Variants in EYA1 observed in about 807,000 individuals in gnomAD.
EYA1 encodes the protein protein phosphatase EYA1.
Under a neutral mutation model 82.0 loss-of-function variants are expected in EYA1, and 16 were observed. The observed-to-expected ratio is 0.20, with a 90% CI of 0.13 to 0.30. The LOEUF (loss-of-function observed/expected upper bound fraction) is 0.30. Among genes scored for constraint, EYA1 ranks in the 10% least tolerant of loss-of-function variants. The pLI, the probability that EYA1 is intolerant of heterozygous loss-of-function variation, is 1.00. For missense variants in EYA1, 633 were observed against 730.7 expected (o/e 0.87, Z 1.54); for synonymous variants, 261 against 264.4 (o/e 0.99, Z 0.12).
rs1036028919 is a variant in EYA1 at position 71,199,868 on chromosome 8, T to C, written c.1699-448A>G. The stretch of plus-strand genomic sequence containing the variant: ...TAATTGTGGCTCACATATGAAGCAG[T>C]TTTTTTTCCATTTATTTCCCTCAGT... On this transcript the variant is annotated intron_variant, in intron 17 of 17. Coordinates refer to ENST00000340726, the MANE Select transcript of EYA1 (RefSeq NM_000503.6). 1.2e-3 allele frequency: 206 copies of C among 177,508 alleles called. 3 individuals carry two copies. Among genetic ancestry groups the C allele is most frequent in the African/African-American group, 4.8e-3 (202 of 41,856 alleles). The allele number at this position is 177,508 out of a possible 1,614,324, so 11.0% of individuals were successfully genotyped here.
intron 11 of EYA1, among the ~76,000 whole-genome samples, chr8:71,254,843 C>T (rs1219016696): frequency 6.6e-5 from 10 of 150,540 alleles, no homozygotes; most frequent in African/African-American, 1.2e-4. Context: ...CCCCCCACCC[C>T]GCCCCCCACC....
chr8:71,232,258 C>T (rs981093579), intron 12 of EYA1, among the ~76,000 whole-genome samples: 2 of 152,206 alleles, frequency 1.3e-5, no homozygotes, highest in African/African-American at 4.8e-5. Flanking sequence ...CCCCCTGCCT[C>T]CTACTTCACT....
At chr8:71,218,416 C>T (rs772780197) in intron 12 of EYA1, among the ~76,000 whole-genome samples, 21 of 152,090 alleles carry the variant, frequency 1.4e-4, no homozygotes, top group Non-Finnish European at 2.5e-4. Context: ...AAACTCAAAC[C>T]AGCTGTTCCT....
At chr8:71,542,227 C>T (rs1815195366) in intron 1 of EYA1, among the ~76,000 whole-genome samples, 1 of 152,180 alleles carries the variant, frequency 6.6e-6, no homozygotes, top group Admixed American at 6.5e-5. Flanking sequence ...CCACCCTTCA[C>T]CCTCCGATAG....
intron 2 of EYA1, among the ~76,000 whole-genome samples, chr8:71,518,491 G>A (rs1006130260): frequency 1.3e-5 from 2 of 152,134 alleles, no homozygotes; most frequent in Non-Finnish European, 2.9e-5. Flanking sequence ...TCTAGGAATA[G>A]TGTGACCATT....
intron 2 of EYA1, among the ~76,000 whole-genome samples, chr8:71,526,282 T>C (rs140852284): frequency 1.1e-3 from 173 of 150,828 alleles, no homozygotes; most frequent in African/African-American, 4.0e-3. Context: ...TTTATATAAT[T>C]AGTTATACAT....
At chr8:71,237,769 T>C (rs1225604743) in intron 12 of EYA1, among the ~76,000 whole-genome samples, 1 of 152,196 alleles carries the variant, frequency 6.6e-6, no homozygotes. Context: ...AGGGTATACA[T>C]TTTATAATAG....
intron 2 of EYA1, among the ~76,000 whole-genome samples, chr8:71,393,359 A>G (rs1829389004): frequency 6.6e-6 from 1 of 152,030 alleles, no homozygotes; most frequent in African/African-American, 2.4e-5. Context: ...GGTTTGTTAC[A>G]TATGTATACA....
intron 2 of EYA1, among the ~76,000 whole-genome samples, chr8:71,355,209 A>G (rs1389344512): frequency 6.6e-6 from 1 of 152,234 alleles, no homozygotes; most frequent in African/African-American, 2.4e-5. Context: ...GACATCTATT[A>G]TAATTTTCAA....
Position 71,198,989 on chromosome 8 carries a change from A to G in EYA1, c.*351T>C, listed in dbSNP as rs2128800854. The G allele has an allele frequency of 3.0e-6, 1 of 334,422 alleles. No homozygotes were observed. 20.7% of individuals were successfully genotyped at this position (334,422 alleles called of 1,614,324 possible). On this transcript the variant is annotated 3_prime_UTR_variant, in exon 18 of 18. Transcript: ENST00000340726. ...TCTGTTGTGCAATTAGGTTTGCTGT[A>G]TTGGAGAAGCTGTTTATATCACATT...
chr8:71,545,968 G>A (rs1367110427), intron 1 of EYA1, among the ~76,000 whole-genome samples: 4 of 152,128 alleles, frequency 2.6e-5, no homozygotes, highest in African/African-American at 9.7e-5. Context: ...CAAGGAACAG[G>A]TCTAATTTAG....
intron 2 of EYA1, among the ~76,000 whole-genome samples, chr8:71,486,641 AG>A (rs936863380): frequency 1.4e-4 from 22 of 152,178 alleles, no homozygotes; most frequent in Admixed American, 3.9e-4. Flanking sequence ...CCTCTGTGTA[AG>A]CAGCAGGTCA....
At chr8:71,530,470 G>A (rs754011790) in intron 2 of EYA1, among the ~76,000 whole-genome samples, 12 of 152,186 alleles carry the variant, frequency 7.9e-5, no homozygotes, top group Admixed American at 1.3e-4. Context: ...AAAGATGCTC[G>A]GCTTTAAAAA....
At chr8:71,237,603 A>G (rs1417845413) in intron 12 of EYA1, among the ~76,000 whole-genome samples, 1 of 152,176 alleles carries the variant, frequency 6.6e-6, no homozygotes, top group East Asian at 1.9e-4. Context: ...TAATAAAACC[A>G]CAAATTCCAT....
intron 2 of EYA1, chr8:71,529,562 G>T (rs1457555598): frequency 1.3e-5 from 2 of 152,078 alleles, no homozygotes; most frequent in Admixed American, 1.3e-4. Context: ...GTTTTTGAAG[G>T]TCCATCCCAA....
chr8:71,322,667 T>C (rs1219766649), intron 4 of EYA1, among the ~76,000 whole-genome samples: 1 of 152,186 alleles, frequency 6.6e-6, no homozygotes, highest in African/African-American at 2.4e-5. Context: ...AAAGGTCAGC[T>C]GGCCTATTGT....
intron 3 of EYA1, among the ~76,000 whole-genome samples, chr8:71,353,802 T>C (rs1484607328): frequency 3.9e-5 from 6 of 152,148 alleles, no homozygotes; most frequent in Admixed American, 3.9e-4. Context: ...GACTGGGAAA[T>C]GATGGTTAAG....
intron 2 of EYA1, among the ~76,000 whole-genome samples, chr8:71,500,700 G>T (rs2129237235): frequency 6.6e-6 from 1 of 152,096 alleles, no homozygotes; most frequent in East Asian, 1.9e-4. Flanking sequence ...CAAATGAAAG[G>T]AAATTACCTA....
chr8:71,249,137 C>T (rs1048202085), intron 11 of EYA1, among the ~76,000 whole-genome samples: 2 of 152,102 alleles, frequency 1.3e-5, no homozygotes, highest in East Asian at 1.9e-4. Context: ...CTTTTCAAAA[C>T]GTGGCCTTTC....
Sources: allele counts gnomAD v4.1 joint callset (sites outside exome capture counted in the v4.1 genomes callset), GRCh38; gene constraint gnomAD v4.1.1; transcripts MANE v1.5; gene names NCBI Gene and HGNC (gene_info 2026-07-23, HGNC 2026-07-21).